DISC1: variants seen among roughly 807,000 people sequenced by gnomAD.
DISC1 encodes DISC1 scaffold protein.
A neutral mutation model predicts 84.5 loss-of-function variants in DISC1; 57 were observed. The ratio of observed to expected loss-of-function variants is 0.67; its 90% CI spans 0.55 to 0.84. DISC1 has a LOEUF of 0.84. DISC1 is among the 40% of genes least tolerant of loss of function. The pLI is 0.00. For synonymous variants in DISC1, 411 were observed against 415.2 expected, an observed-to-expected ratio of 0.99 and a Z score of 0.12; for missense variants, 1,000 against 1,057.8, an observed-to-expected ratio of 0.95 and a Z score of 0.76.
intron 1 of DISC1, among the ~76,000 whole-genome samples, chr1:231,645,436 C>T (rs565054990): frequency 6.6e-6 from 1 of 152,194 alleles, no homozygotes; most frequent in African/African-American, 2.4e-5. Flanking sequence ...TAATATCCAG[C>T]TTTCAAGGTC....
In DISC1 at chr1:231,779,208, C is replaced by T. The variant is rs138018774; in HGVS notation, c.1634+8138C>T. 3.0e-4 allele frequency among the ~76,000 whole-genome samples: 45 copies of T among 152,228 alleles called. 1 individual carries two copies. Among genetic ancestry groups the T allele is most frequent in the African/African-American group, 1.0e-3 (42 of 41,534 alleles). On this transcript the variant is annotated intron_variant, in intron 6 of 12. Transcript: ENST00000439617. ...CTTAAAACCATGGCAGTCCTTGCACCGCCAGATGCTGACTGACTGACTCTC... is the reference window on the plus strand; with the variant it reads ...CTTAAAACCATGGCAGTCCTTGCACTGCCAGATGCTGACTGACTGACTCTC...
Position 232,036,829 on chromosome 1 carries a change from T to C in DISC1, c.2563T>C (p.Ter855ArgextTer54). 6.5e-7 allele frequency: 1 copy of C among 1,541,216 alleles called. No homozygotes were observed. Among genetic ancestry groups the C allele is most frequent in the Non-Finnish European group, 8.8e-7 (1 of 1,135,532 alleles). Residue 855 changes from the stop codon to arginine (R), a stop_lost, in exon 13 of 13, where the codon TGA (stop) becomes CGA (arginine). Coordinates refer to ENST00000439617, the MANE Select transcript of DISC1 (RefSeq NM_018662.3). ...MTAGVHEAQA* is the reference protein window; with the variant it reads ...MTAGVHEAQAR Reference sequence around the variant, plus strand: ...AGCTGGTGTCCACGAAGCACAAGCCTGAGGAGTGACGGGATGGGGGAGGGA... The same window carrying C: ...AGCTGGTGTCCACGAAGCACAAGCCCGAGGAGTGACGGGATGGGGGAGGGA...
intron 11 of DISC1, among the ~76,000 whole-genome samples, chr1:232,010,351 T>A (rs1450932707): frequency 6.6e-6 from 1 of 152,138 alleles, no homozygotes; most frequent in African/African-American, 2.4e-5. Flanking sequence ...GGTTTATTCC[T>A]GGGTGGAAGA....
intron 3 of DISC1, among the ~76,000 whole-genome samples, chr1:231,705,291 C>CAAAAA (rs35677987): frequency 6.3e-4 from 7 of 11,028 alleles, no homozygotes; most frequent in Admixed American, 1.7e-3. Flanking sequence ...GACTCCATCT[C>CAAAAA]AAAAAAAAAA....
rs1573993565 is a variant in DISC1, at chr1:231,810,671, C to T, written c.1793-7658C>T. ...CAGGTGTGCCCTGATTGGAGGTTAT[C>T]AATGCGGGGAAGCTGGAGGCGGCTC... On this transcript the variant is annotated intron_variant, in intron 8 of 12. Transcript: ENST00000439617. Among the ~76,000 whole-genome samples, 3 of 152,188 alleles carry T rather than the reference C, an allele frequency of 2.0e-5. 1 individual carries two copies. Among genetic ancestry groups the T allele is most frequent in the East Asian group, 1.9e-4 (1 of 5,160 alleles).
At chr1:231,944,675 G>T (rs764739313) in intron 9 of DISC1, among the ~76,000 whole-genome samples, 1 of 151,980 alleles carries the variant, frequency 6.6e-6, no homozygotes, top group Non-Finnish European at 1.5e-5. Flanking sequence ...TACCCTTAAC[G>T]CAGCAAGCCC....
At chr1:231,949,349 T>C (rs115482648) in intron 9 of DISC1, among the ~76,000 whole-genome samples, 42 of 152,270 alleles carry the variant, frequency 2.8e-4, no homozygotes, top group African/African-American at 9.1e-4. Flanking sequence ...GTGAGGCCAC[T>C]TGGGGGTGAG....
At chr1:231,727,311 A>G (rs2070856972) in intron 3 of DISC1, among the ~76,000 whole-genome samples, 1 of 152,176 alleles carries the variant, frequency 6.6e-6, no homozygotes, top group African/African-American at 2.4e-5. Flanking sequence ...AATTTCATAT[A>G]TCAACATGTC....
At chr1:231,651,788 A>C (rs1323799918) in intron 1 of DISC1, among the ~76,000 whole-genome samples, 3 of 152,248 alleles carry the variant, frequency 2.0e-5, no homozygotes, top group Non-Finnish European at 4.4e-5. Flanking sequence ...CTCAAGCCTC[A>C]GCAATGGCAG....
chr1:231,946,408 A>G (rs1018661213), intron 9 of DISC1, among the ~76,000 whole-genome samples: 4 of 152,210 alleles, frequency 2.6e-5, no homozygotes, highest in Non-Finnish European at 4.4e-5. Flanking sequence ...ACAAAATTCA[A>G]CACCCCTTCA....
chr1:232,004,321 C>G (rs1667068345), intron 10 of DISC1, among the ~76,000 whole-genome samples: 1 of 151,640 alleles, frequency 6.6e-6, no homozygotes, highest in Admixed American at 6.6e-5. Context: ...AGATAGCAAA[C>G]CTTTGATAAG....
In DISC1 at chr1:231,897,842, G is replaced by A. The variant is rs1376234489; in HGVS notation, c.1982-60986G>A. On this transcript the variant is annotated intron_variant, in intron 9 of 12. Coordinates refer to ENST00000439617, the MANE Select transcript of DISC1 (RefSeq NM_018662.3). This position sits in a 1 kb window ranked among gnomAD's most constrained non-coding sequence, Gnocchi z 4.5. ...TTTAGGTTTTTTTCTTAAAATCAGA[G>A]AAAATCTAGCTTCAAAACTCAAGTG... is the stretch of plus-strand genomic sequence containing the variant. Among the ~76,000 whole-genome samples, 2 of 152,196 alleles carry A rather than the reference G, an allele frequency of 1.3e-5. No homozygotes were observed. Among genetic ancestry groups the A allele is most frequent in the East Asian group, 3.8e-4 (2 of 5,204 alleles).
intron 9 of DISC1, among the ~76,000 whole-genome samples, chr1:231,895,294 A>G (rs1222447083): frequency 6.6e-6 from 1 of 151,626 alleles, no homozygotes; most frequent in African/African-American, 2.4e-5. Flanking sequence ...ATATCTAATG[A>G]ATAATATATT....
chr1:232,033,672 G>A (rs1259008072), intron 12 of DISC1, among the ~76,000 whole-genome samples: 1 of 150,620 alleles, frequency 6.6e-6, no homozygotes, highest in Non-Finnish European at 1.5e-5. Flanking sequence ...TAGAAACTCA[G>A]GAAACATTTG....
intron 9 of DISC1, among the ~76,000 whole-genome samples, chr1:231,842,290 C>T (rs974627973): frequency 2.0e-5 from 3 of 152,182 alleles, no homozygotes; most frequent in South Asian, 2.1e-4. Flanking sequence ...GCTGGGATTA[C>T]GTGAGCCATT....
intron 9 of DISC1, among the ~76,000 whole-genome samples, chr1:231,852,843 AT>A (rs2083998141): frequency 6.6e-6 from 1 of 152,160 alleles, no homozygotes; most frequent in African/African-American, 2.4e-5. Flanking sequence ...GAAGTCAGGG[AT>A]TTTTGTTTTT....
At chr1:231,654,338 T>C (rs1263084944) in intron 1 of DISC1, among the ~76,000 whole-genome samples, 3 of 151,846 alleles carry the variant, frequency 2.0e-5, no homozygotes, top group Non-Finnish European at 4.4e-5. Flanking sequence ...TAATTACTTT[T>C]ATTTTTGACA....
intron 9 of DISC1, among the ~76,000 whole-genome samples, chr1:231,886,423 G>A (rs756026973): frequency 6.6e-6 from 1 of 152,158 alleles, no homozygotes; most frequent in Admixed American, 6.5e-5. Context: ...AAAGAAAAAC[G>A]TGTCTGAGTT....
At chr1:231,733,686 C>T (rs948801057) in intron 3 of DISC1, among the ~76,000 whole-genome samples, 1 of 117,812 alleles carries the variant, frequency 8.5e-6, no homozygotes, top group Non-Finnish European at 1.8e-5. Flanking sequence ...TGGGAGAAGT[C>T]GTAGTGGTGG....
Sources: gnomAD v4.1 joint callset for allele counts (sites outside exome capture counted in the v4.1 genomes callset) on GRCh38, gnomAD v4.1.1 for gene constraint, Gnocchi (gnomAD v3.1) non-coding constraint, MANE v1.5 for transcripts, NCBI Gene and HGNC (gene_info 2026-07-23, HGNC 2026-07-21) for gene names.